ART3: variants seen among roughly 807,000 people sequenced by gnomAD.
ART3 encodes ecto-ADP-ribosyltransferase 3.
Under a neutral mutation model 48.5 loss-of-function variants are expected in ART3, and 49 were observed. The ratio of observed to expected loss-of-function variants is 1.01; its 90% CI spans 0.80 to 1.28. The LOEUF is 1.28. Ranked by LOEUF, ART3 falls within the 50% of genes most tolerant of loss-of-function variation. The pLI, the probability that ART3 is intolerant of heterozygous loss-of-function variation, is 0.00. For synonymous variants in ART3, 145 were observed against 157.2 expected (o/e 0.92, Z 0.58); for missense variants, 438 against 454.3 (o/e 0.96, Z 0.33).
chr4:76,057,845 C>T (rs1190402914), intron 1 of ART3: 2 of 152,244 alleles, frequency 1.3e-5, no homozygotes, highest in Non-Finnish European at 2.9e-5. Flanking sequence ...TTCTGTGAAG[C>T]AATCTCTGTT....
intron 3 of ART3, among the ~76,000 whole-genome samples, chr4:76,083,860 A>C (rs536651794): frequency 4.1e-4 from 62 of 152,184 alleles, no homozygotes; most frequent in Non-Finnish European, 7.1e-4. Flanking sequence ...GAGACAAAGG[A>C]AAAGGGAATT....
At chr4:76,081,162 A>G (rs892955394) in intron 2 of ART3, among the ~76,000 whole-genome samples, 11 of 152,120 alleles carry the variant, frequency 7.2e-5, no homozygotes, top group African/African-American at 2.7e-4. Context: ...AGCAAGCCTT[A>G]TTTGTTGCTT....
intron 1 of ART3, among the ~76,000 whole-genome samples, chr4:76,060,253 C>T (rs759830976): frequency 7.2e-5 from 11 of 152,126 alleles, no homozygotes; most frequent in Non-Finnish European, 1.2e-4. Flanking sequence ...ATTGTGGAAT[C>T]ATAAGTTACT....
intron 4 of ART3, 37 bp downstream of exon 4, chr4:76,097,713 A>G: frequency 2.0e-6 from 3 of 1,530,404 alleles, no homozygotes; most frequent in African/African-American, 2.7e-5. Flanking sequence ...TATAATAGGA[A>G]TTTTATCAGT....
intron 9 of ART3, 90 bp downstream of exon 9, chr4:76,104,059 A>T: frequency 7.5e-7 from 1 of 1,329,774 alleles, no homozygotes; most frequent in Non-Finnish European, 1.1e-6. Flanking sequence ...TGAGACTATT[A>T]TTCATGAATA....
At chr4:76,056,923 C>T (rs527469778) in intron 1 of ART3, among the ~76,000 whole-genome samples, 1 of 152,236 alleles carries the variant, frequency 6.6e-6, no homozygotes, top group African/African-American at 2.4e-5. Flanking sequence ...GTTAGCCATA[C>T]TTTAGTAGTT....
chr4:76,060,647 GGGTGGAC>G (rs1200008727), intron 1 of ART3, among the ~76,000 whole-genome samples: 4 of 152,186 alleles, frequency 2.6e-5, no homozygotes, highest in African/African-American at 9.7e-5. Context: ...TATATACATT[GGGTGGAC>G]CCACTGTAAT....
At chr4:76,092,626 A>G (rs1375843085) in intron 3 of ART3, among the ~76,000 whole-genome samples, 1 of 151,016 alleles carries the variant, frequency 6.6e-6, no homozygotes, top group African/African-American at 2.4e-5. Context: ...TTTTTTTTTC[A>G]TGTATCTTGT....
chr4:76,084,017 CCT>C (rs2149569724), intron 3 of ART3, among the ~76,000 whole-genome samples: 1 of 152,156 alleles, frequency 6.6e-6, no homozygotes, highest in African/African-American at 2.4e-5. Flanking sequence ...TGCTTAAATC[CCT>C]CTTTTACCCC....
chr4:76,076,647 A>C (rs55998455), intron 2 of ART3, among the ~76,000 whole-genome samples: 1,749 of 152,284 alleles, frequency 0.011, 38 homozygotes, highest in African/African-American at 0.04. Context: ...GCTGCATGTC[A>C]CGCATGTCAT....
At chr4:76,062,629 C>T (rs6532165) in intron 1 of ART3, among the ~76,000 whole-genome samples, 85,535 of 146,034 alleles carry the variant, frequency 0.59, 25,756 homozygotes, top group East Asian at 0.94. Flanking sequence ...GGTGGGATCT[C>T]GGCTCACGGC....
intron 1 of ART3, among the ~76,000 whole-genome samples, chr4:76,026,697 GT>G (rs11319980): frequency 0.61 from 93,017 of 152,070 alleles, 29,527 homozygotes; most frequent in East Asian, 0.94. Flanking sequence ...GTTATTTGCT[GT>G]TTTTTTATCT....
chr4:76,069,633 G>A lies in ART3; in HGVS notation c.-9-6248G>A, dbSNP rs564836218. 4.0e-5 allele frequency among the ~76,000 whole-genome samples: 6 copies of A among 151,834 alleles called. No homozygotes were observed. The South Asian group carries it at 6.2e-4, about 16-fold the overall frequency. Reference sequence around the variant, plus strand: ...TCGAACTCCTGATCTCAAGTGATCCGCCTGCCTTGGCCTCCCAAAGTCCTG... The same window carrying A: ...TCGAACTCCTGATCTCAAGTGATCCACCTGCCTTGGCCTCCCAAAGTCCTG... On this transcript the variant is annotated intron_variant, in intron 1 of 9. Transcript: ENST00000341029.
intron 1 of ART3, among the ~76,000 whole-genome samples, chr4:76,051,634 G>A (rs1736100284): frequency 6.6e-6 from 1 of 151,758 alleles, no homozygotes; most frequent in Non-Finnish European, 1.5e-5. Context: ...CTGCCTCCCG[G>A]GCACAAACCA....
chr4:76,070,106 T>C (rs76739343), upstream of ART3, among the ~76,000 whole-genome samples: 3 of 151,998 alleles, frequency 2.0e-5, no homozygotes, highest in Non-Finnish European at 2.9e-5. Flanking sequence ...TTGACTATTA[T>C]GAATCAACCT....
intron 1 of ART3, among the ~76,000 whole-genome samples, chr4:76,049,105 C>T (rs142832145): frequency 0.025 from 3,851 of 152,022 alleles, 157 homozygotes; most frequent in African/African-American, 0.086. Flanking sequence ...AGGTAGTCCC[C>T]ACTATGACGG....
intron 1 of ART3, among the ~76,000 whole-genome samples, chr4:76,049,824 T>C (rs1031131185): frequency 6.6e-6 from 1 of 152,002 alleles, no homozygotes; most frequent in Non-Finnish European, 1.5e-5. Flanking sequence ...TTGGTCTCGC[T>C]GACTTCAAGA....
intron 1 of ART3, among the ~76,000 whole-genome samples, chr4:76,043,635 T>C (rs6855257): frequency 0.62 from 93,345 of 151,488 alleles, 30,095 homozygotes; most frequent in East Asian, 0.94. Flanking sequence ...CCACAAGCGC[T>C]GTGCGCAGCC....
At chr4:76,086,059 T>TCC (rs67789570) in intron 3 of ART3, among the ~76,000 whole-genome samples, 250 of 130,778 alleles carry the variant, frequency 1.9e-3, no homozygotes, top group African/African-American at 6.8e-3. Flanking sequence ...TCAACAAGAG[T>TCC]CCCCCCCCCC....
Sources: gnomAD v4.1 joint callset for allele counts (sites outside exome capture counted in the v4.1 genomes callset) on GRCh38, gnomAD v4.1.1 for gene constraint, MANE v1.5 for transcripts, NCBI Gene and HGNC (gene_info 2026-07-23, HGNC 2026-07-21) for gene names.